ACSS3: variants seen among roughly 807,000 people sequenced by gnomAD.
The protein encoded by ACSS3 is acyl-CoA synthetase short chain family member 3.
ACSS3 carries 64 observed loss-of-function variants against 84.2 expected under a neutral mutation model. That is an observed-to-expected ratio of 0.76 (90% confidence interval 0.62 to 0.94). The LOEUF (loss-of-function observed/expected upper bound fraction) is 0.94, where lower values mean the gene tolerates loss of function less well. ACSS3 is among the 40% of genes least tolerant of loss of function. The probability of loss-of-function intolerance (pLI) is 0.00; values close to 1 mark genes in which losing one functional copy is unlikely to be tolerated. For missense variants in ACSS3, 815 were observed against 867.6 expected (o/e 0.94, Z 0.76); for synonymous variants, 317 against 310.1 (o/e 1.02, Z -0.23).
chr12:81,246,314 G>C (rs569268796), intron 13 of ACSS3, among the ~76,000 whole-genome samples: 5 of 152,078 alleles, frequency 3.3e-5, no homozygotes, highest in African/African-American at 4.8e-5. Context: ...CTGCTTCTTC[G>C]TTGTCACTTA....
At chr12:81,217,893 A>T (rs2032979003) in intron 10 of ACSS3, among the ~76,000 whole-genome samples, 1 of 152,130 alleles carries the variant, frequency 6.6e-6, no homozygotes, top group Non-Finnish European at 1.5e-5. Flanking sequence ...GGAGGATCCC[A>T]AAAGAAAACA....
chr12:81,207,283 G>A (rs2032387932), intron 9 of ACSS3, among the ~76,000 whole-genome samples: 1 of 152,048 alleles, frequency 6.6e-6, no homozygotes, highest in African/African-American at 2.4e-5. Flanking sequence ...CCCTGCACTG[G>A]GCCTACTGCC....
chr12:81,230,723 A>G (rs1380456431), intron 11 of ACSS3, among the ~76,000 whole-genome samples: 1 of 151,916 alleles, frequency 6.6e-6, no homozygotes, highest in Non-Finnish European at 1.5e-5. Flanking sequence ...GTTTTCTAAG[A>G]AAGTAATTCA....
At chr12:81,192,970 GAT>G (rs1166812862) in intron 8 of ACSS3, among the ~76,000 whole-genome samples, 1 of 152,122 alleles carries the variant, frequency 6.6e-6, no homozygotes, top group Non-Finnish European at 1.5e-5. Context: ...AAAAGAGAGA[GAT>G]AGAGGGTTGT....
At chr12:81,252,431 GAAGA>G (rs758948363) in intron 13 of ACSS3, among the ~76,000 whole-genome samples, 9 of 152,042 alleles carry the variant, frequency 5.9e-5, no homozygotes, top group Non-Finnish European at 1.3e-4. Flanking sequence ...TGAATGAATA[GAAGA>G]AAGAACAAGG....
At chr12:81,095,196 T>A (rs1461419142) in intron 1 of ACSS3, among the ~76,000 whole-genome samples, 1 of 152,144 alleles carries the variant, frequency 6.6e-6, no homozygotes. Flanking sequence ...TGGAGTTTGG[T>A]TCTTTGCCAG....
intron 8 of ACSS3, among the ~76,000 whole-genome samples, chr12:81,188,716 T>C (rs2031408370): frequency 1.3e-5 from 2 of 152,144 alleles, no homozygotes; most frequent in Admixed American, 6.6e-5. Flanking sequence ...TTTTGATTGC[T>C]GGTTAGATCA....
intron 8 of ACSS3, among the ~76,000 whole-genome samples, chr12:81,191,471 T>TC (rs1236813596): frequency 2.6e-5 from 4 of 152,130 alleles, no homozygotes; most frequent in Non-Finnish European, 5.9e-5. Context: ...GAAGTCTTTT[T>TC]CCCCGCTATT....
intron 7 of ACSS3, among the ~76,000 whole-genome samples, chr12:81,152,925 A>G (rs1422160139): frequency 6.6e-6 from 1 of 152,230 alleles, no homozygotes; most frequent in Non-Finnish European, 1.5e-5. Flanking sequence ...GTATTATAAC[A>G]TCCATAACTT....
At chr12:81,187,428 T>C (rs529337749) in intron 8 of ACSS3, among the ~76,000 whole-genome samples, 1 of 152,020 alleles carries the variant, frequency 6.6e-6, no homozygotes, top group South Asian at 2.1e-4. Context: ...GAGATACCTA[T>C]GTCTTATCTA....
intron 2 of ACSS3, among the ~76,000 whole-genome samples, chr12:81,133,311 A>G (rs1885620905): frequency 6.6e-6 from 1 of 152,108 alleles, no homozygotes. Flanking sequence ...TTCTTCTCCC[A>G]AGCCTCCTCT....
At chr12:81,231,955 A>T (rs919693555) in intron 12 of ACSS3, among the ~76,000 whole-genome samples, 1 of 151,916 alleles carries the variant, frequency 6.6e-6, no homozygotes, top group Non-Finnish European at 1.5e-5. Context: ...TCACTAAAAA[A>T]GTTTGCTGAA....
At chr12:81,142,860 T>G (rs1280146168) in intron 4 of ACSS3, among the ~76,000 whole-genome samples, 2 of 152,218 alleles carry the variant, frequency 1.3e-5, no homozygotes, top group Non-Finnish European at 2.9e-5. Flanking sequence ...CTAAAGGATA[T>G]CTCTAGATTT....
intron 2 of ACSS3, among the ~76,000 whole-genome samples, chr12:81,114,291 C>T (rs7314486): frequency 0.88 from 134,068 of 152,080 alleles, 60,302 homozygotes; most frequent in Middle Eastern, 0.97. Flanking sequence ...GTAGTTGTAA[C>T]TATAAAGGTC....
At chr12:81,116,952 G>A (rs1884093464) in intron 2 of ACSS3, among the ~76,000 whole-genome samples, 1 of 152,072 alleles carries the variant, frequency 6.6e-6, no homozygotes, top group Admixed American at 6.6e-5. Context: ...AGGTCTGTGT[G>A]CTGTCTCATT....
At chr12:81,153,489 A>G (rs1886717353) in intron 7 of ACSS3, among the ~76,000 whole-genome samples, 1 of 152,038 alleles carries the variant, frequency 6.6e-6, no homozygotes, top group South Asian at 2.1e-4. Flanking sequence ...TTATAAGTAT[A>G]TTTTGATGTT....
rs1885709904 is a variant in ACSS3 at position 81,134,977 on chromosome 12, A to G, written c.618A>G (p.Glu206=). The change falls in exon 3 of 16, where the codon GAA becomes GAG. Residue 206 remains glutamate, a synonymous_variant. Coordinates refer to ENST00000548058, the MANE Select transcript of ACSS3 (RefSeq NM_024560.4). ...SLIFGGFASK[E]LSSRIDHVKP... is the part of the protein sequence containing the mutation. The stretch of plus-strand genomic sequence containing the variant: ...TATTTGGAGGATTTGCTTCCAAAGA[A>G]CTAAGTAGTCGCATTGATCATGTAA... The G allele has an allele frequency of 1.2e-6, 2 of 1,604,782 alleles. No individual in the cohort carries two copies. Among genetic ancestry groups the G allele is most frequent in the South Asian group, 2.2e-5 (2 of 89,024 alleles).
At chr12:81,127,782 G>GAA (rs1005998660) in intron 2 of ACSS3, among the ~76,000 whole-genome samples, 5 of 152,044 alleles carry the variant, frequency 3.3e-5, no homozygotes, top group Non-Finnish European at 5.9e-5. Context: ...GGAAACTAGG[G>GAA]AACTATCTTT....
intron 3 of ACSS3, among the ~76,000 whole-genome samples, chr12:81,137,319 C>T (rs1003838331): frequency 8.3e-6 from 1 of 120,350 alleles, no homozygotes; most frequent in African/African-American, 3.3e-5. Flanking sequence ...AATTTTCATC[C>T]ATCACACACA....
Sources: gnomAD v4.1 joint callset for allele counts (sites outside exome capture counted in the v4.1 genomes callset) on GRCh38, gnomAD v4.1.1 for gene constraint, MANE v1.5 for transcripts, NCBI Gene and HGNC (gene_info 2026-07-23, HGNC 2026-07-21) for gene names.